The following SLC26A11 variants were observed in gnomAD, a reference collection of about 807,000 sequenced individuals.
SLC26A11 encodes solute carrier family 26 member 11.
Under a neutral mutation model 62.2 loss-of-function variants are expected in SLC26A11, and 58 were observed. The ratio of observed to expected loss-of-function variants is 0.93; its 90% CI spans 0.76 to 1.16. The LOEUF is 1.16. SLC26A11 is among the 50% of genes most tolerant of loss of function. The pLI is 0.00. For synonymous variants in SLC26A11, 411 were observed against 368.9 expected (o/e 1.11, Z -1.31); for missense variants, 790 against 794.3 (o/e 0.99, Z 0.06).
intron 7 of SLC26A11, among the ~76,000 whole-genome samples, chr17:80,231,429 G>T (rs2042565064): frequency 6.6e-6 from 1 of 152,108 alleles, no homozygotes; most frequent in Non-Finnish European, 1.5e-5. Context: ...CTCCCAAAGT[G>T]CTGGGATTAC....
Position 80,226,941 on chromosome 17 carries a change from C to A in SLC26A11, c.594-877C>A, listed in dbSNP as rs569749804. 1.5e-3 allele frequency among the ~76,000 whole-genome samples: 229 copies of A among 152,258 alleles called. 1 individual carries two copies. Among genetic ancestry groups the A allele is most frequent in the African/African-American group, 5.4e-3 (225 of 41,540 alleles). ...CTGCCGAAGCTTCCCAGCAGCTGAA[C>A]CCAGCTGGAAGCCAGTGGGTTCTTT... On this transcript the variant is annotated intron_variant, in intron 6 of 17. Coordinates refer to ENST00000361193, the MANE Select transcript of SLC26A11 (RefSeq NM_001166347.2).
Position 80,223,848 on chromosome 17 carries a change from A to C in SLC26A11, c.513+511A>C, listed in dbSNP as rs1971564482. Among the ~76,000 whole-genome samples the C allele has an allele frequency of 6.6e-6, 1 of 152,232 alleles. No homozygotes were observed. Among genetic ancestry groups the C allele is most frequent in the South Asian group, 2.1e-4 (1 of 4,830 alleles). ...TTAAAACATTTATAATAAGTACTAA[A>C]ATCAGTCATCAGCTGAGGGTGTAAT... is the stretch of plus-strand genomic sequence containing the variant. On this transcript the variant is annotated intron_variant, in intron 5 of 17. Coordinates refer to ENST00000361193, the MANE Select transcript of SLC26A11 (RefSeq NM_001166347.2). This position sits in a 1 kb window ranked among gnomAD's most constrained non-coding sequence, Gnocchi z 4.6.
chr17:80,248,004 G>A lies in SLC26A11; in HGVS notation c.1295-126G>A, dbSNP rs563339777. The A allele has an allele frequency of 1.1e-4, 136 of 1,185,716 alleles. No individual in the cohort carries two copies. The African/African-American group carries it at 2.0e-3, about 18-fold the overall frequency. The allele number at this position is 1,185,716 out of a possible 1,614,324, so 73.4% of individuals were successfully genotyped here. A position where few individuals can be genotyped will look rare whatever the true frequency, so the allele number is the denominator to read the frequency against. On this transcript the variant is annotated intron_variant, in intron 13 of 17. Transcript: ENST00000361193. The stretch of plus-strand genomic sequence containing the variant: ...AGCTGCTGTCCCCAAGTCCTCAGGG[G>A]CTGCTTGGGGTCCATGAGCACCTTT...
intron 13 of SLC26A11, among the ~76,000 whole-genome samples, chr17:80,247,652 T>C (rs1213637942): frequency 6.6e-6 from 1 of 152,220 alleles, no homozygotes; most frequent in East Asian, 1.9e-4. Context: ...TGAAACGTGT[T>C]CATGTGCCGG....
chr17:80,233,892 G>A (rs2042625316), intron 7 of SLC26A11, among the ~76,000 whole-genome samples: 1 of 151,710 alleles, frequency 6.6e-6, no homozygotes, highest in East Asian at 1.9e-4. Flanking sequence ...TTCAACTTTC[G>A]ACTTTTGTAT....
In SLC26A11 at chr17:80,222,806, T is replaced by C. The variant is rs1221230423; in HGVS notation, c.386T>C (p.Leu129Pro). The change falls in exon 4 of 18, where the codon CTG becomes CCG. Residue 129 changes from leucine (L) to proline (P), a missense_variant. By Grantham distance (98) the Leu-to-Pro change is moderately conservative. Transcript: ENST00000361193. This position sits in a 1 kb window ranked among gnomAD's most constrained non-coding sequence, Gnocchi z 4.7. ...EPAYAVLLAF[L>P]SGCIQLAMGV... is the part of the protein sequence containing the mutation. ...GCCTACGCTGTGCTGCTGGCCTTCCTGTCCGGCTGCATCCAGCTGGCCATG... is the reference window on the plus strand; with the variant it reads ...GCCTACGCTGTGCTGCTGGCCTTCCCGTCCGGCTGCATCCAGCTGGCCATG... The C allele has an allele frequency of 6.2e-7, 1 of 1,614,110 alleles. No homozygotes were observed.
At chr17:80,235,349 T>A (rs574757280) in intron 7 of SLC26A11, among the ~76,000 whole-genome samples, 14 of 152,202 alleles carry the variant, frequency 9.2e-5, no homozygotes, top group Admixed American at 6.6e-5. Context: ...TTTGGGTCTT[T>A]TTTTTATTTT....
chr17:80,224,389 GAGTGTA>G (rs2042334142), intron 5 of SLC26A11, among the ~76,000 whole-genome samples: 3 of 149,718 alleles, frequency 2.0e-5, no homozygotes, highest in East Asian at 2.0e-4. Context: ...GCGCGTGTGT[GAGTGTA>G]TGAGTGTGAG....
chr17:80,246,797 CAGGAG>C lies in SLC26A11; in HGVS notation c.1294+150_1294+154del. 9.3e-7 allele frequency: 1 copy of C among 1,079,916 alleles called. No homozygotes were observed. The highest frequency in any genetic ancestry group is 1.3e-6 in the Non-Finnish European group (1 of 759,296). The allele number at this position is 1,079,916 out of a possible 1,614,324, so 66.9% of individuals were successfully genotyped here. On this transcript the variant is annotated intron_variant, in intron 13 of 17. Transcript: ENST00000361193. The surrounding 1 kb of genome is among the most constrained non-coding windows in gnomAD (Gnocchi z 4.4). ...GTCCCGGAACAGAGAAGTGGATGGC[CAGGAG>C]ATGGCCCCAGAGATGGTCCCGAGGC... is the stretch of plus-strand genomic sequence containing the variant.
Position 80,222,070 on chromosome 17 carries a change from G to A in SLC26A11, c.234+276G>A, listed in dbSNP as rs544740270. The A allele has an allele frequency of 1.1e-3, 458 of 423,728 alleles. 8 individuals are homozygous for A. The Middle Eastern group carries it at 0.011, about 11-fold the overall frequency. 26.2% of individuals were successfully genotyped at this position (423,728 alleles called of 1,614,324 possible). On this transcript the variant is annotated intron_variant, in intron 3 of 17. Transcript: ENST00000361193. This position sits in a 1 kb window ranked among gnomAD's most constrained non-coding sequence, Gnocchi z 4.7. ...AGCCCGACCAAAATGGTGAAACCCC[G>A]TCTCCACTAAAAATACAAAAATTAG...
chr17:80,237,458 CATG>C (rs1443474492), intron 8 of SLC26A11, 61 bp from the exon 9 acceptor site: 4 of 1,487,114 alleles, frequency 2.7e-6, no homozygotes, highest in Non-Finnish European at 3.7e-6. Context: ...TTGCTGCTTT[CATG>C]GGTCACTGCT....
chr17:80,237,277 G>T, intron 8 of SLC26A11, 174 bp downstream of exon 8: 1 of 871,476 alleles, frequency 1.1e-6, no homozygotes, highest in Non-Finnish European at 1.7e-6. Flanking sequence ...TGCAAACTCA[G>T]CGAGCTCAGG....
At chr17:80,240,524 C>T (rs780967238) in intron 9 of SLC26A11, among the ~76,000 whole-genome samples, 11 of 151,496 alleles carry the variant, frequency 7.3e-5, no homozygotes, top group Admixed American at 2.0e-4. Context: ...TTTTCTCGGC[C>T]GGGTGCAGTG....
At position 80,248,251 on chromosome 17, in the gene SLC26A11, G is replaced by A. The variant is rs996414058; in HGVS notation, c.1416G>A (p.Glu472=). The A allele has an allele frequency of 5.0e-6, 8 of 1,608,422 alleles. No individual in the cohort carries two copies. Among genetic ancestry groups the A allele is most frequent in the Non-Finnish European group, 6.8e-6 (8 of 1,178,898 alleles). The change falls in exon 14 of 18, where the codon GAG becomes GAA. Residue 472 remains glutamate (E), a synonymous_variant. Coordinates refer to ENST00000361193, the MANE Select transcript of SLC26A11 (RefSeq NM_001166347.2). The part of the protein sequence containing the change: ...LMLLHSAARP[E]TKVSEGPVLV... ...TCCTGCACTCTGCAGCCAGGCCTGA[G>A]ACCAAGGTACCCCTCCGTGGCCTCT... is the stretch of plus-strand genomic sequence containing the variant.
At chr17:80,225,812 G>A in intron 5 of SLC26A11, 25 bp from the exon 6 acceptor site, 1 of 1,609,474 alleles carries the variant, frequency 6.2e-7, no homozygotes. Context: ...CATAGCCTCT[G>A]ATCAGCATCT....
At chr17:80,245,359 A>C in intron 11 of SLC26A11, 103 bp downstream of exon 11, 1 of 1,149,436 alleles carries the variant, frequency 8.7e-7, no homozygotes, top group Non-Finnish European at 1.3e-6. Context: ...CCCGTCCTCC[A>C]CTGTGAACGC....
chr17:80,224,394 TATGAGTGTGAGA>T (rs1236034681), intron 5 of SLC26A11, among the ~76,000 whole-genome samples: 2 of 147,548 alleles, frequency 1.4e-5, no homozygotes, highest in Admixed American at 6.8e-5. Context: ...TGTGTGAGTG[TATGAGTGTGAGA>T]GTGAGTGTGA....
rs903148192 is a variant in SLC26A11 at position 80,223,601 on chromosome 17, G to T, written c.513+264G>T. ...CCGGTAATTCCATCCCCCTGCTCTT[G>T]CCCGAGTTTCCGTGCCAGTGTGCTT... On this transcript the variant is annotated intron_variant, in intron 5 of 17. Coordinates refer to ENST00000361193, the MANE Select transcript of SLC26A11 (RefSeq NM_001166347.2). The surrounding 1 kb of genome is among the most constrained non-coding windows in gnomAD (Gnocchi z 4.6). Among the ~76,000 whole-genome samples the T allele has an allele frequency of 6.6e-6, 1 of 152,154 alleles. No homozygotes were observed. Among genetic ancestry groups the T allele is most frequent in the Non-Finnish European group, 1.5e-5 (1 of 68,012 alleles).
chr17:80,248,445 T>TC, intron 14 of SLC26A11, 130 bp from the exon 15 acceptor site: 1 of 1,247,420 alleles, frequency 8.0e-7, no homozygotes, highest in Non-Finnish European at 1.1e-6. Context: ...CATGGGGGTC[T>TC]CCCCTTAGCA....
Sources: allele counts gnomAD v4.1 joint callset (sites outside exome capture counted in the v4.1 genomes callset), GRCh38; gene constraint gnomAD v4.1.1; non-coding constraint Gnocchi (gnomAD v3.1); transcripts MANE v1.5; gene names NCBI Gene and HGNC (gene_info 2026-07-23, HGNC 2026-07-21).